The following MTRF1 variants were observed in gnomAD, a reference collection of about 807,000 sequenced individuals.
The protein encoded by MTRF1 is peptide chain release factor 1, mitochondrial.
In MTRF1, 51 loss-of-function variants were observed where a neutral mutation model predicts 62.9. The observed-to-expected ratio is 0.81, with a 90% CI of 0.65 to 1.02. The LOEUF is 1.02. MTRF1 is among the 50% of genes least tolerant of loss of function. The pLI is 0.00. For synonymous variants in MTRF1, 158 were observed against 181.9 expected (o/e 0.87, Z 1.06); for missense variants, 446 against 530.0 (o/e 0.84, Z 1.56).
Position 41,233,910 on chromosome 13 carries a change from C to G in MTRF1, c.968G>C (p.Arg323Thr), listed in dbSNP as rs2036030454. Residue 323 changes from arginine (R) to threonine (T), a missense_variant, in exon 7 of 10, where the codon AGA becomes ACA. By Grantham distance (71) the Arg-to-Thr change is moderately conservative. Transcript: ENST00000379480. ...QHVNKTDSAV[R>T]LVHIPTGLVV... ...CTTACCTGTGGGGATGTGGACAAGT[C>G]TGACGGCACTATCAGTTTTATTAAC... 2 of 1,613,880 alleles carry G rather than the reference C, an allele frequency of 1.2e-6. No individual in the cohort carries two copies. The highest frequency in any genetic ancestry group is 8.5e-7 in the Non-Finnish European group (1 of 1,179,752).
At chr13:41,306,475 A>G in the MTRF1 span, among the ~76,000 whole-genome samples, 1 of 152,158 alleles carries the variant, frequency 6.6e-6, no homozygotes, top group South Asian at 2.1e-4. Flanking sequence ...GTATAACCTG[A>G]TAAGTTATTT....
At chr13:41,217,289 T>G in intron 9 of MTRF1, 61 bp from the exon 10 acceptor site, 1 of 950,276 alleles carries the variant, frequency 1.1e-6, no homozygotes. Context: ...AAGACTTTAG[T>G]GTTTATTTAT....
chr13:41,277,319 A>G, the MTRF1 span, among the ~76,000 whole-genome samples: 6 of 151,954 alleles, frequency 3.9e-5, no homozygotes, highest in African/African-American at 1.4e-4. Context: ...TTTAGTAGAG[A>G]TGGAGTTTCA....
the MTRF1 span, among the ~76,000 whole-genome samples, chr13:41,290,912 G>A: frequency 6.7e-6 from 1 of 149,712 alleles, no homozygotes; most frequent in East Asian, 2.1e-4. Context: ...GACCAACATG[G>A]AGAAACCCCG....
rs553523070 is a variant in MTRF1 at position 41,251,457 on chromosome 13, G to C, written c.697+1188C>G. Among the ~76,000 whole-genome samples, 5 of 151,972 alleles carry C rather than the reference G, an allele frequency of 3.3e-5. 1 individual carries two copies. The highest frequency in any genetic ancestry group is 2.6e-4 in the Admixed American group (4 of 15,256). The stretch of plus-strand genomic sequence containing the variant: ...TCTATCCACTCAAACCTACTTCAGC[G>C]ATTACTTCCCTGACAAGCTATGGGT... On this transcript the variant is annotated intron_variant, in intron 5 of 9. Transcript: ENST00000379480.
intron 5 of MTRF1, among the ~76,000 whole-genome samples, chr13:41,243,502 T>C (rs2037821626): frequency 6.6e-6 from 1 of 152,074 alleles, no homozygotes. Context: ...CTGGTCTTCT[T>C]AGTTGTTGCC....
At chr13:41,266,654 A>G (rs1396241947), upstream of MTRF1, among the ~76,000 whole-genome samples, 2 of 152,000 alleles carry the variant, frequency 1.3e-5, no homozygotes, top group East Asian at 3.9e-4. Context: ...ATCTCTTAAG[A>G]AAATTACAGC....
At chr13:41,302,380 G>A in the MTRF1 span, among the ~76,000 whole-genome samples, 1 of 147,174 alleles carries the variant, frequency 6.8e-6, no homozygotes, top group African/African-American at 2.4e-5. Context: ...AGACAGGAAG[G>A]TGGGAGAAGT....
At chr13:41,271,034 C>T in the MTRF1 span, among the ~76,000 whole-genome samples, 1 of 149,926 alleles carries the variant, frequency 6.7e-6, no homozygotes, top group South Asian at 2.1e-4. Flanking sequence ...CCACTGCTGC[C>T]AGCCCAAAGG....
chr13:41,275,979 C>T, the MTRF1 span, among the ~76,000 whole-genome samples: 2 of 152,036 alleles, frequency 1.3e-5, no homozygotes, highest in Non-Finnish European at 2.9e-5. Context: ...ACGCAATTTG[C>T]ATTTCTAGGG....
the MTRF1 span, among the ~76,000 whole-genome samples, chr13:41,289,379 A>G: frequency 1.3e-5 from 2 of 151,798 alleles, no homozygotes; most frequent in African/African-American, 4.8e-5. Context: ...CTGGGGTTAT[A>G]GGTATGTGCC....
intron 6 of MTRF1, chr13:41,236,313 A>C (rs527747799): frequency 6.6e-6 from 1 of 152,184 alleles, no homozygotes; most frequent in East Asian, 1.9e-4. Context: ...ATGGAGTTTC[A>C]CCGTGTTGGC....
the MTRF1 span, among the ~76,000 whole-genome samples, chr13:41,306,642 C>T: frequency 1.3e-5 from 2 of 152,072 alleles, no homozygotes; most frequent in Non-Finnish European, 2.9e-5. Flanking sequence ...CTAGGCTGAA[C>T]GAGAAGAATC....
At chr13:41,221,680 G>C (rs921309903) in intron 9 of MTRF1, among the ~76,000 whole-genome samples, 2 of 152,056 alleles carry the variant, frequency 1.3e-5, no homozygotes, top group Non-Finnish European at 2.9e-5. Flanking sequence ...TTATTATTTA[G>C]GCCAAAGTCA....
chr13:41,251,145 A>G (rs2039008881), intron 5 of MTRF1, among the ~76,000 whole-genome samples: 3 of 152,180 alleles, frequency 2.0e-5, no homozygotes, highest in Non-Finnish European at 4.4e-5. Context: ...CATACTGGAT[A>G]AACAACAGCC....
At chr13:41,265,277 C>A (rs991433183), upstream of MTRF1, among the ~76,000 whole-genome samples, 1 of 151,970 alleles carries the variant, frequency 6.6e-6, no homozygotes, top group South Asian at 2.1e-4. Context: ...ACAAAATTAG[C>A]TGGGCGTGGT....
the MTRF1 span, among the ~76,000 whole-genome samples, chr13:41,303,240 T>A: frequency 6.6e-6 from 1 of 152,168 alleles, no homozygotes; most frequent in Non-Finnish European, 1.5e-5. Flanking sequence ...TTTCAACTGT[T>A]AAAGTAGGAA....
At chr13:41,243,968 C>T (rs543911368) in intron 5 of MTRF1, among the ~76,000 whole-genome samples, 2 of 152,174 alleles carry the variant, frequency 1.3e-5, no homozygotes, top group African/African-American at 2.4e-5. Flanking sequence ...TCAGATCATA[C>T]AGTCCTTATG....
chr13:41,273,481 T>C, the MTRF1 span, among the ~76,000 whole-genome samples: 1 of 151,868 alleles, frequency 6.6e-6, no homozygotes, highest in Non-Finnish European at 1.5e-5. Context: ...CCTCAGGAGG[T>C]CCTGACAACA....
Sources: gnomAD v4.1 joint callset for allele counts (sites outside exome capture counted in the v4.1 genomes callset) on GRCh38, gnomAD v4.1.1 for gene constraint, MANE v1.5 for transcripts, NCBI Gene and HGNC (gene_info 2026-07-23, HGNC 2026-07-21) for gene names.